USH2A: variants seen among roughly 807,000 people sequenced by gnomAD.
USH2A encodes Usher syndrome 2A (autosomal recessive, mild).
A neutral mutation model predicts 538.9 loss-of-function variants in USH2A; 443 were observed. The ratio of observed to expected loss-of-function variants is 0.82; its 90% CI spans 0.76 to 0.89. The LOEUF (loss-of-function observed/expected upper bound fraction) is 0.89. Ranked by LOEUF, USH2A falls within the 40% of genes least tolerant of loss-of-function variation. The probability of loss-of-function intolerance (pLI) is 0.00; values close to 1 mark genes in which losing one functional copy is unlikely to be tolerated. For missense variants in USH2A, 6,633 were observed against 6,324.8 expected (o/e 1.05, Z -1.65); for synonymous variants, 2,413 against 2,273.5 (o/e 1.06, Z -1.75).
At chr1:215,719,282 G>C (rs1187989994) in intron 61 of USH2A, among the ~76,000 whole-genome samples, 1 of 151,198 alleles carries the variant, frequency 6.6e-6, no homozygotes, top group Admixed American at 6.6e-5. Flanking sequence ...AATCTCCTGA[G>C]GAGGGCTCTT....
chr1:216,290,036 C>T (rs1261882759), intron 10 of USH2A, among the ~76,000 whole-genome samples: 1 of 151,886 alleles, frequency 6.6e-6, no homozygotes, highest in Non-Finnish European at 1.5e-5. Context: ...TCAGGTAATT[C>T]CCATAGTTTA....
At chr1:215,833,494 G>A (rs999571761) in intron 47 of USH2A, among the ~76,000 whole-genome samples, 1 of 151,704 alleles carries the variant, frequency 6.6e-6, no homozygotes, top group African/African-American at 2.4e-5. Flanking sequence ...ATACTTACAT[G>A]CCAAAAAAAA....
At chr1:216,095,171 C>G (rs777985192) in intron 22 of USH2A, among the ~76,000 whole-genome samples, 2 of 151,670 alleles carry the variant, frequency 1.3e-5, no homozygotes, top group Non-Finnish European at 2.9e-5. Flanking sequence ...TTTGTTTCAT[C>G]ATTTTATGTT....
intron 61 of USH2A, among the ~76,000 whole-genome samples, chr1:215,688,763 T>C (rs2820696): frequency 0.38 from 57,512 of 151,882 alleles, 11,154 homozygotes; most frequent in South Asian, 0.56. Context: ...TTTATGACCT[T>C]ACTTAAGCTT....
At chr1:216,413,810 C>T (rs2039532574) in intron 3 of USH2A, among the ~76,000 whole-genome samples, 2 of 152,042 alleles carry the variant, frequency 1.3e-5, no homozygotes, top group Admixed American at 6.6e-5. Context: ...TCATCAGCTT[C>T]AAATCGTAGT....
At chr1:216,055,290 ACAT>A (rs1379917614) in intron 30 of USH2A, among the ~76,000 whole-genome samples, 2 of 152,138 alleles carry the variant, frequency 1.3e-5, no homozygotes, top group South Asian at 2.1e-4. Context: ...CAAGAGCAAG[ACAT>A]TTATTAAGAG....
At chr1:215,894,492 T>A (rs1226619000) in intron 40 of USH2A, among the ~76,000 whole-genome samples, 1 of 152,144 alleles carries the variant, frequency 6.6e-6, no homozygotes, top group Non-Finnish European at 1.5e-5. Flanking sequence ...TTACACGGTC[T>A]CAGAGTATTT....
At chr1:216,252,897 C>A (rs2036191158) in intron 11 of USH2A, among the ~76,000 whole-genome samples, 1 of 152,150 alleles carries the variant, frequency 6.6e-6, no homozygotes, top group Non-Finnish European at 1.5e-5. Context: ...CGTGTGGGTA[C>A]ATACTTGTAA....
intron 9 of USH2A, among the ~76,000 whole-genome samples, chr1:216,310,478 G>T (rs1483786969): frequency 6.6e-6 from 1 of 151,782 alleles, no homozygotes; most frequent in African/African-American, 2.4e-5. Context: ...CTTACATTTG[G>T]CCTTTTGAGG....
chr1:215,625,526 CTTCT>C lies in USH2A; in HGVS notation c.*251_*254del, dbSNP rs1269427146. On this transcript the variant is annotated 3_prime_UTR_variant, in exon 72 of 72. Coordinates refer to ENST00000307340, the MANE Select transcript of USH2A (RefSeq NM_206933.4). ...AACAGAACCAAGTGACAATTACATA[CTTCT>C]TTGTCTTCTACAAAATAAGAGCAAA... The C allele has an allele frequency of 2.7e-5, 14 of 517,738 alleles. No homozygotes were observed. Among genetic ancestry groups the C allele is most frequent in the East Asian group, 2.4e-4 (7 of 28,588 alleles). 32.1% of individuals were successfully genotyped at this position (517,738 alleles called of 1,614,324 possible).
Position 215,782,832 on chromosome 1 carries a change from A to G in USH2A, c.10491T>C (p.Asp3497=). The G allele has an allele frequency of 1.2e-6, 2 of 1,614,000 alleles. No individual in the cohort carries two copies. The highest frequency in any genetic ancestry group is 1.7e-6 in the Non-Finnish European group (2 of 1,179,922). ...TAGGGGGACTCACTCCTTGAGGCAC[A>G]TCTTCTTTTGTTCTGGCTCTCACAG... The part of the protein sequence containing the change: ...SKAVRARTKE[D]VPQGVSPPTW... The change falls in exon 53 of 72, where the codon GAT becomes GAC. Residue 3497 remains aspartate (D), a synonymous_variant. Coordinates refer to ENST00000307340, the MANE Select transcript of USH2A (RefSeq NM_206933.4).
At chr1:215,912,491 GTGTATATATA>G (rs1558157982) in intron 38 of USH2A, among the ~76,000 whole-genome samples, 18 of 17,320 alleles carry the variant, frequency 1.0e-3, no homozygotes, top group African/African-American at 2.9e-3. Flanking sequence ...ATATATATAT[GTGTATATATA>G]TATATATATA....
At chr1:215,967,173 C>A (rs891178056) in intron 36 of USH2A, among the ~76,000 whole-genome samples, 3 of 152,002 alleles carry the variant, frequency 2.0e-5, no homozygotes, top group Non-Finnish European at 4.4e-5. Flanking sequence ...CATTGTAATT[C>A]TTTTGTTTGT....
intron 64 of USH2A, among the ~76,000 whole-genome samples, chr1:215,668,830 A>G (rs1171850465): frequency 6.6e-6 from 1 of 152,206 alleles, no homozygotes; most frequent in Admixed American, 6.5e-5. Flanking sequence ...CAGGGGTTCA[A>G]CATCAGCCTG....
At chr1:215,847,288 CTTAG>C (rs1181785605) in intron 44 of USH2A, among the ~76,000 whole-genome samples, 1 of 152,080 alleles carries the variant, frequency 6.6e-6, no homozygotes, top group African/African-American at 2.4e-5. Context: ...AAACGATTAC[CTTAG>C]TTTGTTAGGA....
At chr1:216,003,667 GT>G (rs1468479603) in intron 32 of USH2A, among the ~76,000 whole-genome samples, 1 of 152,070 alleles carries the variant, frequency 6.6e-6, no homozygotes, top group Non-Finnish European at 1.5e-5. Context: ...TTAGGAAGAA[GT>G]AAGTTAGAGA....
chr1:216,386,647 A>C (rs2039013598), intron 3 of USH2A, among the ~76,000 whole-genome samples: 1 of 151,232 alleles, frequency 6.6e-6, no homozygotes, highest in Non-Finnish European at 1.5e-5. Flanking sequence ...CAAGGTCAGG[A>C]GATCGAGACC....
chr1:216,176,628 A>C (rs1414318469), intron 20 of USH2A, among the ~76,000 whole-genome samples: 1 of 152,136 alleles, frequency 6.6e-6, no homozygotes, highest in East Asian at 1.9e-4. Flanking sequence ...GGGTTTGGAC[A>C]AATGTATGAT....
intron 32 of USH2A, among the ~76,000 whole-genome samples, chr1:216,043,590 T>A (rs528474334): frequency 6.6e-6 from 1 of 152,154 alleles, no homozygotes; most frequent in African/African-American, 2.4e-5. Context: ...TACACTATGG[T>A]GCCATTTACC....
Sources: allele counts gnomAD v4.1 joint callset (sites outside exome capture counted in the v4.1 genomes callset), GRCh38; gene constraint gnomAD v4.1.1; transcripts MANE v1.5; gene names NCBI Gene and HGNC (gene_info 2026-07-23, HGNC 2026-07-21).